The following UTP4 variants were observed in gnomAD, a reference collection of about 807,000 sequenced individuals.
UTP4 encodes the protein U3 small nucleolar RNA-associated protein 4 homolog.
UTP4 carries 45 observed loss-of-function variants against 82.4 expected under a neutral mutation model. That is an observed-to-expected ratio of 0.55 (90% CI 0.43 to 0.70). UTP4 has a LOEUF of 0.70. UTP4 is among the 30% of genes least tolerant of loss of function. The pLI is 0.00. For synonymous variants in UTP4, 348 were observed against 300.3 expected (o/e 1.16, Z -1.64); for missense variants, 819 against 858.3 (o/e 0.95, Z 0.57).
At chr16:69,159,410 A>C (rs1963506498) in intron 12 of UTP4, among the ~76,000 whole-genome samples, 1 of 152,118 alleles carries the variant, frequency 6.6e-6, no homozygotes, top group Non-Finnish European at 1.5e-5. Flanking sequence ...AAAAAAATTT[A>C]GGGGCCGGGC....
intron 6 of UTP4, among the ~76,000 whole-genome samples, chr16:69,145,225 A>T (rs553957155): frequency 6.6e-6 from 1 of 152,062 alleles, no homozygotes; most frequent in Non-Finnish European, 1.5e-5. Context: ...TTGTCTTCCA[A>T]ATCTCTCTCT....
chr16:69,138,664 G>C (rs531972571), intron 4 of UTP4, among the ~76,000 whole-genome samples: 2 of 152,220 alleles, frequency 1.3e-5, no homozygotes, highest in Admixed American at 6.5e-5. Flanking sequence ...GGGGTTGGCA[G>C]ACTGTTTCTG....
intron 2 of UTP4, among the ~76,000 whole-genome samples, chr16:69,134,839 C>T (rs1274956523): frequency 6.6e-6 from 1 of 151,028 alleles, no homozygotes; most frequent in Admixed American, 6.6e-5. Flanking sequence ...ACAGGTGTGC[C>T]ACCATGCCTC....
rs75020221 is a variant in UTP4 at position 69,141,326 on chromosome 16, G to T, written c.526+1412G>T. ...ATTCACTTTCTTGGTTTACCCTTTG[G>T]TGGATCCTGAGTAAGAGTGCATGAG... On this transcript the variant is annotated intron_variant, in intron 5 of 16. Transcript: ENST00000314423. Among the ~76,000 whole-genome samples the T allele has an allele frequency of 4.6e-3, 703 of 152,282 alleles. 31 individuals carry two copies. In the South Asian group the frequency reaches 0.09, roughly 20 times the overall value.
At position 69,133,641 on chromosome 16, in the gene UTP4, A is replaced by G. The variant is rs755010673; in HGVS notation, c.159+23A>G. ...AAAGTAAGTCATTTGGGAGTCTGAT[A>G]TGGTGTTTTGATGTTAATTTCTTCT... is the stretch of plus-strand genomic sequence containing the variant. On this transcript the variant is annotated intron_variant, in intron 2 of 16. Transcript: ENST00000314423. 2.1e-5 allele frequency: 34 copies of G among 1,612,202 alleles called. No homozygotes were observed. In the East Asian group the frequency reaches 4.7e-4, roughly 22 times the overall value.
intron 16 of UTP4, among the ~76,000 whole-genome samples, chr16:69,168,426 A>G (rs553185105): frequency 9.4e-4 from 124 of 131,390 alleles, no homozygotes; most frequent in Non-Finnish European, 1.7e-3. Flanking sequence ...GCAGAGCGAG[A>G]CTGTCTCAAA....
At chr16:69,138,207 G>A (rs1962861171) in intron 4 of UTP4, among the ~76,000 whole-genome samples, 1 of 150,384 alleles carries the variant, frequency 6.6e-6, no homozygotes, top group Non-Finnish European at 1.5e-5. Context: ...CTACAATTTT[G>A]TCATTAGGAA....
chr16:69,141,739 C>T (rs1962964380), intron 5 of UTP4, among the ~76,000 whole-genome samples: 1 of 151,622 alleles, frequency 6.6e-6, no homozygotes, highest in South Asian at 2.1e-4. Flanking sequence ...TCATTTTTGA[C>T]ATTTCCAGAG....
chr16:69,163,980 G>A (rs1343267186), intron 14 of UTP4, among the ~76,000 whole-genome samples: 2 of 151,046 alleles, frequency 1.3e-5, no homozygotes, highest in Non-Finnish European at 2.9e-5. Context: ...CCGCCTTCCG[G>A]GTTCATGTCA....
intron 12 of UTP4, among the ~76,000 whole-genome samples, chr16:69,158,571 T>C (rs1384397093): frequency 1.3e-5 from 2 of 152,154 alleles, no homozygotes; most frequent in South Asian, 2.1e-4. Context: ...CTATTTATTA[T>C]CTATATATGT....
Position 69,157,155 on chromosome 16 carries a change from T to C in UTP4, c.1359T>C (p.Phe453=), listed in dbSNP as rs1963438464. 1.2e-6 allele frequency: 2 copies of C among 1,614,240 alleles called. No individual in the cohort carries two copies. Among genetic ancestry groups the C allele is most frequent in the Non-Finnish European group, 1.7e-6 (2 of 1,180,032 alleles). The change falls in exon 12 of 17, where the codon TTT becomes TTC. Residue 453 remains phenylalanine (F), a synonymous_variant. Coordinates refer to ENST00000314423, the MANE Select transcript of UTP4 (RefSeq NM_032830.3). ...TTTCTGAAGATTCAACAAAGCTCTT[T>C]GTAGCATCAAATCAAGGAGCTCTGC... The part of the protein sequence containing the change: ...ILFSEDSTKL[F]VASNQGALHI...
intron 16 of UTP4, among the ~76,000 whole-genome samples, chr16:69,168,368 G>A (rs892176939): frequency 7.5e-5 from 11 of 147,370 alleles, no homozygotes; most frequent in African/African-American, 2.3e-4. Context: ...CCCGGGAGGC[G>A]GAGCTTGCCG....
At position 69,153,578 on chromosome 16, in the gene UTP4, A is replaced by T. The variant is rs761020024; in HGVS notation, c.1003-6A>T. ...ATTTTTTTAACTTCTTGATTCTTGG[A>T]TATAGCGATGTCTCATCTCCTGTTC... On this transcript the variant is annotated splice_polypyrimidine_tract_variant and splice_region_variant and intron_variant, in intron 8 of 16. Transcript: ENST00000314423. The T allele has an allele frequency of 6.2e-7, 1 of 1,607,338 alleles. No homozygotes were observed. The highest frequency in any genetic ancestry group is 1.1e-5 in the South Asian group (1 of 90,410).
chr16:69,160,341 G>C lies in UTP4; in HGVS notation c.1445-15G>C, dbSNP rs769296406. 2 of 1,604,868 alleles carry C rather than the reference G, an allele frequency of 1.2e-6. No individual in the cohort carries two copies. The highest frequency in any genetic ancestry group is 1.7e-6 in the Non-Finnish European group (2 of 1,171,528). ...ACTGTGTGAATTCAGAGATGTAACT[G>C]TTTTGTCCTCACAGGAACAGTGGAG... On this transcript the variant is annotated splice_polypyrimidine_tract_variant and intron_variant, in intron 12 of 16. Transcript: ENST00000314423.
intron 16 of UTP4, chr16:69,167,455 G>A (rs1030364882): frequency 5.5e-5 from 23 of 421,796 alleles, no homozygotes; most frequent in African/African-American, 4.4e-4. Context: ...AGTCTTTGTT[G>A]TCATGAGAGC....
intron 8 of UTP4, among the ~76,000 whole-genome samples, chr16:69,152,132 G>T (rs905663716): frequency 6.6e-6 from 1 of 151,182 alleles, no homozygotes; most frequent in Admixed American, 6.6e-5. Flanking sequence ...CTCTTGAATC[G>T]AGTCATTCAT....
Position 69,146,281 on chromosome 16 carries a change from A to G in UTP4, c.738+2892A>G, listed in dbSNP as rs1021350897. On this transcript the variant is annotated intron_variant, in intron 6 of 16. Transcript: ENST00000314423. ...ATTTTCAGAATTTTTTCATCACCAC[A>G]AACAGAAACCTGTACTCATTAAACA... Among the ~76,000 whole-genome samples the G allele has an allele frequency of 2.0e-5, 3 of 152,134 alleles. No homozygotes were observed. The East Asian group carries it at 5.8e-4, about 29-fold the overall frequency.
In UTP4 at chr16:69,153,671, G is replaced by A. The variant is rs1352059422; in HGVS notation, c.1090G>A (p.Val364Ile). 1.9e-6 allele frequency: 3 copies of A among 1,610,500 alleles called. No homozygotes were observed. In the East Asian group the frequency reaches 6.7e-5, roughly 36 times the overall value. The part of the protein sequence containing the change: ...HLELWRLGST[V>I]ATGKNGDTLP... ...AGAACTTTGGCGACTGGGATCCACA[G>A]TTGCAACAGGTAAGATGGGAGCACG... is the stretch of plus-strand genomic sequence containing the variant. Residue 364 changes from valine (V) to isoleucine (I), a missense_variant, in exon 9 of 17, where the codon GTT (valine) becomes ATT (isoleucine). Val to Ile is a conservative substitution (Grantham distance 29, BLOSUM62 3). Coordinates refer to ENST00000314423, the MANE Select transcript of UTP4 (RefSeq NM_032830.3).
In UTP4 at chr16:69,161,799, G is replaced by A. The variant is rs1261126074; in HGVS notation, c.1552-1284G>A. On this transcript the variant is annotated intron_variant, in intron 13 of 16. Transcript: ENST00000314423. ...CCACCTCAGTGTCCTGAGTAGCTGG[G>A]ACTACAGGCGAGTCCCACCACACCT... is the stretch of plus-strand genomic sequence containing the variant. Among the ~76,000 whole-genome samples, 3 of 152,140 alleles carry A rather than the reference G, an allele frequency of 2.0e-5. No homozygotes were observed. The East Asian group carries it at 5.8e-4, about 29-fold the overall frequency.
Sources: gnomAD v4.1 joint callset for allele counts (sites outside exome capture counted in the v4.1 genomes callset) on GRCh38, gnomAD v4.1.1 for gene constraint, MANE v1.5 for transcripts, NCBI Gene and HGNC (gene_info 2026-07-23, HGNC 2026-07-21) for gene names.